Variants in SPAG9 observed in about 807,000 individuals in gnomAD.
The protein encoded by SPAG9 is sperm associated antigen 9, also known as C-Jun-amino-terminal kinase-interacting protein 4.
In SPAG9, 35 loss-of-function variants were observed where a neutral mutation model predicts 166.5. The ratio of observed to expected loss-of-function variants is 0.21; its 90% CI spans 0.16 to 0.28. The LOEUF (loss-of-function observed/expected upper bound fraction) is 0.28. SPAG9 is among the 10% of genes least tolerant of loss of function. The pLI, the probability that SPAG9 is intolerant of heterozygous loss-of-function variation, is 1.00. For synonymous variants in SPAG9, 534 were observed against 565.5 expected (o/e 0.94, Z 0.79); for missense variants, 1,235 against 1,603.3 (o/e 0.77, Z 3.92).
At chr17:51,037,768 G>A (rs1028716381) in intron 5 of SPAG9, among the ~76,000 whole-genome samples, 55 of 144,970 alleles carry the variant, frequency 3.8e-4, no homozygotes, top group Admixed American at 1.8e-3. Context: ...GTCCCACTAC[G>A]TTGCCCAGGC....
chr17:51,015,529 C>A, intron 8 of SPAG9, among the ~76,000 whole-genome samples: 1 of 151,446 alleles, frequency 6.6e-6, no homozygotes, highest in South Asian at 2.1e-4. Flanking sequence ...TAAAGAAGGC[C>A]TCTATTATAA....
intron 2 of SPAG9, among the ~76,000 whole-genome samples, chr17:51,077,029 T>TCTAGCTAGCTAG (rs1442787507): frequency 9.2e-5 from 6 of 65,272 alleles, no homozygotes; most frequent in East Asian, 8.5e-4. Flanking sequence ...TATCTAGCTA[T>TCTAGCTAGCTAG]CTATCTAGCT....
intron 1 of SPAG9, among the ~76,000 whole-genome samples, chr17:51,080,889 A>G (rs1177362762): frequency 1.1e-5 from 1 of 87,920 alleles, no homozygotes; most frequent in East Asian, 3.1e-4. Flanking sequence ...TCTATCTCAA[A>G]AAAAAAAAAA....
intron 1 of SPAG9, among the ~76,000 whole-genome samples, chr17:51,081,082 A>C (rs1457074607): frequency 6.6e-6 from 1 of 152,028 alleles, no homozygotes; most frequent in Non-Finnish European, 1.5e-5. Flanking sequence ...ATCTACCTTC[A>C]GATCTGACCG....
chr17:51,069,183 A>C (rs187060533), intron 2 of SPAG9, among the ~76,000 whole-genome samples: 2 of 152,196 alleles, frequency 1.3e-5, no homozygotes, highest in Non-Finnish European at 2.9e-5. Flanking sequence ...TCATTAAAAA[A>C]ACTTTCAACA....
chr17:50,977,416 T>G (rs1388705502), intron 26 of SPAG9, among the ~76,000 whole-genome samples, 195 bp from the exon 27 acceptor site: 3 of 152,118 alleles, frequency 2.0e-5, no homozygotes, highest in African/African-American at 7.2e-5. Flanking sequence ...CAAAGTAAGC[T>G]CATATTGGGG....
chr17:51,067,430 T>C (rs775008296), intron 2 of SPAG9, among the ~76,000 whole-genome samples: 3 of 152,236 alleles, frequency 2.0e-5, no homozygotes, highest in Admixed American at 6.5e-5. Flanking sequence ...GCAAGGACTA[T>C]AGACATCCTC....
chr17:50,989,516 T>G, intron 21 of SPAG9, 161 bp downstream of exon 21: 2 of 701,228 alleles, frequency 2.9e-6, no homozygotes, highest in Non-Finnish European at 5.1e-6. Context: ...CCAGCGAGAA[T>G]GATGGAGCGG....
At position 51,078,568 on chromosome 17, in the gene SPAG9, T is replaced by C. The variant is rs375824622; in HGVS notation, c.424+1016A>G. Among the ~76,000 whole-genome samples, 531 of 152,176 alleles carry C rather than the reference T, an allele frequency of 3.5e-3. 2 individuals are homozygous for C. Among genetic ancestry groups the C allele is most frequent in the African/African-American group, 0.012 (510 of 41,536 alleles). On this transcript the variant is annotated intron_variant, in intron 2 of 29. Coordinates refer to ENST00000262013, the MANE Select transcript of SPAG9 (RefSeq NM_001130528.3). ...GCTGGGAGAAAAGCAGAGAATTGTC[T>C]GCCTACCTATATCAGACATGAAAAT... is the stretch of plus-strand genomic sequence containing the variant.
rs2045617091 is a variant in SPAG9, at chr17:51,014,461, T to A, written c.1092-108A>T. ...TACATAGGACTTTCTTACCTATAAT[T>A]TACGTTTACTAGAAAATATAACTTA... On this transcript the variant is annotated intron_variant, in intron 8 of 29. Coordinates refer to ENST00000262013, the MANE Select transcript of SPAG9 (RefSeq NM_001130528.3). 3.1e-5 allele frequency: 26 copies of A among 828,468 alleles called. No individual in the cohort carries two copies. The South Asian group carries it at 9.3e-4, about 30-fold the overall frequency. The allele number at this position is 828,468 out of a possible 1,614,324, so 51.3% of individuals were successfully genotyped here.
At chr17:51,000,296 T>C (rs2044875199) in intron 13 of SPAG9, among the ~76,000 whole-genome samples, 1 of 152,284 alleles carries the variant, frequency 6.6e-6, no homozygotes, top group East Asian at 1.9e-4. Context: ...TCTGCCATCA[T>C]AATCAGAGCT....
Position 51,107,113 on chromosome 17 carries a change from A to G in SPAG9, c.303+13241T>C, listed in dbSNP as rs1008911784. Among the ~76,000 whole-genome samples, 5 of 152,136 alleles carry G rather than the reference A, an allele frequency of 3.3e-5. No homozygotes were observed. The East Asian group carries it at 7.7e-4, about 23-fold the overall frequency. On this transcript the variant is annotated intron_variant, in intron 1 of 29. Transcript: ENST00000262013. ...AGTGCTCCATCTCAAAAAAAAAAAA[A>G]AAAGAAAAAGAACAGAGCCTGGCTC...
chr17:51,005,617 G>C (rs1365066934), intron 11 of SPAG9, among the ~76,000 whole-genome samples: 3 of 152,222 alleles, frequency 2.0e-5, no homozygotes, highest in Non-Finnish European at 4.4e-5. Flanking sequence ...TTGGGAGGCC[G>C]AGGCAGGTGG....
chr17:51,005,806 T>C (rs1230649962), intron 11 of SPAG9, among the ~76,000 whole-genome samples: 2 of 152,158 alleles, frequency 1.3e-5, no homozygotes, highest in Non-Finnish European at 2.9e-5. Flanking sequence ...AGCCAAGGCT[T>C]TGCCACTTCA....
intron 1 of SPAG9, among the ~76,000 whole-genome samples, chr17:51,082,034 T>C (rs1027512559): frequency 6.6e-6 from 1 of 152,174 alleles, no homozygotes; most frequent in Non-Finnish European, 1.5e-5. Flanking sequence ...CACATCTTTG[T>C]TCAAATCTCA....
At chr17:51,073,840 C>T (rs938275151) in intron 2 of SPAG9, among the ~76,000 whole-genome samples, 2 of 152,182 alleles carry the variant, frequency 1.3e-5, no homozygotes, top group Non-Finnish European at 2.9e-5. Context: ...CGGTGGCTCA[C>T]GCCTGTAATC....
intron 3 of SPAG9, among the ~76,000 whole-genome samples, chr17:51,053,577 C>G (rs1423857713): frequency 2.6e-5 from 4 of 151,564 alleles, no homozygotes; most frequent in Non-Finnish European, 4.4e-5. Flanking sequence ...CCCAGCTACT[C>G]AGGAGGCTGA....
At chr17:51,076,019 C>T (rs1427069081) in intron 2 of SPAG9, among the ~76,000 whole-genome samples, 1 of 151,516 alleles carries the variant, frequency 6.6e-6, no homozygotes, top group Non-Finnish European at 1.5e-5. Flanking sequence ...CACTTGAATC[C>T]AGGAGGCAGA....
At position 51,001,070 on chromosome 17, in the gene SPAG9, A is replaced by G. The variant is rs374296011; in HGVS notation, c.1607+645T>C. Among the ~76,000 whole-genome samples, 68 of 152,370 alleles carry G rather than the reference A, an allele frequency of 4.5e-4. 1 individual carries two copies. The East Asian group carries it at 0.012, about 28-fold the overall frequency. On this transcript the variant is annotated intron_variant, in intron 13 of 29. Coordinates refer to ENST00000262013, the MANE Select transcript of SPAG9 (RefSeq NM_001130528.3). ...TAAAGAAGTAAAAGTTGGCAATTAG[A>G]GAATGTGTTCATAAACTTAAAAACA...
Sources: gnomAD v4.1 joint callset for allele counts (sites outside exome capture counted in the v4.1 genomes callset) on GRCh38, gnomAD v4.1.1 for gene constraint, MANE v1.5 for transcripts, NCBI Gene and HGNC (gene_info 2026-07-23, HGNC 2026-07-21) for gene names.